GRM8: variants seen among roughly 807,000 people sequenced by gnomAD.
GRM8 encodes glutamate metabotropic receptor 8.
GRM8 carries 47 observed loss-of-function variants against 87.2 expected under a neutral mutation model. The ratio of observed to expected loss-of-function variants is 0.54; its 90% confidence interval spans 0.43 to 0.69. The LOEUF (loss-of-function observed/expected upper bound fraction) is 0.69. Among genes scored for constraint, GRM8 ranks in the 30% least tolerant of loss-of-function variants. The pLI, the probability that GRM8 is intolerant of heterozygous loss-of-function variation, is 0.00. For synonymous variants in GRM8, 396 were observed against 404.5 expected (o/e 0.98, Z 0.25); for missense variants, 1,019 against 1,139.2 (o/e 0.89, Z 1.52).
chr7:126,739,281 T>G (rs1047737098), intron 7 of GRM8, among the ~76,000 whole-genome samples: 3 of 151,978 alleles, frequency 2.0e-5, no homozygotes, highest in African/African-American at 7.2e-5. Flanking sequence ...AAAGATATAC[T>G]CCCTTTCCCC....
chr7:126,615,404 C>T, intron 7 of GRM8, among the ~76,000 whole-genome samples: 1 of 152,292 alleles, frequency 6.6e-6, no homozygotes. Context: ...CAACCAGTAC[C>T]AGCCACTGCA....
In GRM8 at chr7:127,242,782, G is replaced by T. The variant is rs1366247374; in HGVS notation, c.423C>A (p.Phe141Leu). The T allele has an allele frequency of 6.2e-7, 1 of 1,614,184 alleles. No individual in the cohort carries two copies. The highest frequency in any genetic ancestry group is 2.2e-5 in the East Asian group (1 of 44,878). The change falls in exon 2 of 11, where the codon TTC (phenylalanine) becomes TTA (leucine). Residue 141 changes from phenylalanine (F) to leucine (L), a missense_variant. By Grantham distance (22) the Phe-to-Leu change is conservative (BLOSUM62 0). Coordinates refer to ENST00000339582, the MANE Select transcript of GRM8 (RefSeq NM_000845.3). ...VKCANGDPPI[F>L]TKPDKISGVI... ...CGCCAGAAATCTTGTCGGGCTTGGTGAAAATGGGTGGATCTCCATTAGCAC... is the reference window on the plus strand; with the variant it reads ...CGCCAGAAATCTTGTCGGGCTTGGTTAAAATGGGTGGATCTCCATTAGCAC...
At chr7:127,043,778 T>C (rs1320946433) in intron 3 of GRM8, among the ~76,000 whole-genome samples, 2 of 151,764 alleles carry the variant, frequency 1.3e-5, no homozygotes, top group Admixed American at 6.6e-5. Context: ...AAAAATAAAA[T>C]AAAAAATAAA....
chr7:126,665,562 G>A (rs1355520355), intron 7 of GRM8, among the ~76,000 whole-genome samples: 1 of 151,988 alleles, frequency 6.6e-6, no homozygotes, highest in Non-Finnish European at 1.5e-5. Flanking sequence ...GGTACACATG[G>A]ACATTAAGAT....
rs183107365 is a variant in GRM8 at position 127,054,302 on chromosome 7, G to T, written c.727+52194C>A. Reference sequence around the variant, plus strand: ...GAGGGCCCAAAATGAGAATTACTTAGTGGGATCCATCCAGACCTTATTCTT... The same window carrying T: ...GAGGGCCCAAAATGAGAATTACTTATTGGGATCCATCCAGACCTTATTCTT... On this transcript the variant is annotated intron_variant, in intron 3 of 10. Coordinates refer to ENST00000339582, the MANE Select transcript of GRM8 (RefSeq NM_000845.3). 4.2e-3 allele frequency among the ~76,000 whole-genome samples: 637 copies of T among 152,006 alleles called. 5 individuals are homozygous for T. The highest frequency in any genetic ancestry group is 0.015 in the African/African-American group (611 of 41,452).
chr7:126,452,151 G>A (rs1344567212), intron 9 of GRM8, among the ~76,000 whole-genome samples: 1 of 151,510 alleles, frequency 6.6e-6, no homozygotes, highest in East Asian at 2.0e-4. Context: ...GGATGAAGCT[G>A]GAAACCATCA....
At chr7:126,726,361 G>C (rs1812974835) in intron 7 of GRM8, among the ~76,000 whole-genome samples, 1 of 151,974 alleles carries the variant, frequency 6.6e-6, no homozygotes, top group Non-Finnish European at 1.5e-5. Flanking sequence ...GGAGTCAATA[G>C]TTCTTTGATA....
intron 6 of GRM8, among the ~76,000 whole-genome samples, chr7:126,793,035 T>G (rs2151680998): frequency 6.6e-6 from 1 of 152,312 alleles, no homozygotes; most frequent in East Asian, 1.9e-4. Flanking sequence ...GCTAAGCCCC[T>G]GTACCTTCTT....
chr7:126,497,217 G>A (rs115260255), intron 9 of GRM8, among the ~76,000 whole-genome samples: 2,807 of 151,920 alleles, frequency 0.018, 106 homozygotes, highest in African/African-American at 0.064. Flanking sequence ...GCACACATGA[G>A]AAATACTACT....
intron 7 of GRM8, among the ~76,000 whole-genome samples, chr7:126,703,915 C>T (rs563819486): frequency 6.6e-6 from 1 of 152,238 alleles, no homozygotes; most frequent in Non-Finnish European, 1.5e-5. Flanking sequence ...CAGACATTCC[C>T]TCTATTAACC....
chr7:126,981,314 TTC>T (rs1183231610), intron 3 of GRM8: 1 of 152,372 alleles, frequency 6.6e-6, no homozygotes, highest in African/African-American at 2.4e-5. Flanking sequence ...TCCTATGCCA[TTC>T]TGGGGCTTTG....
intron 7 of GRM8, among the ~76,000 whole-genome samples, chr7:126,675,848 T>C (rs1806902727): frequency 6.6e-6 from 1 of 152,144 alleles, no homozygotes; most frequent in South Asian, 2.1e-4. Flanking sequence ...GGATGCCCAC[T>C]TTCACCACTT....
chr7:126,801,510 A>G (rs1339533275), intron 6 of GRM8, among the ~76,000 whole-genome samples: 1 of 151,728 alleles, frequency 6.6e-6, no homozygotes, highest in African/African-American at 2.4e-5. Flanking sequence ...GAAAATGATG[A>G]TATGCTTATG....
chr7:127,022,112 C>T (rs1052828750), intron 3 of GRM8, among the ~76,000 whole-genome samples: 1 of 151,952 alleles, frequency 6.6e-6, no homozygotes, highest in African/African-American at 2.4e-5. Context: ...GTTAAAACTG[C>T]CTTTGGATCT....
At chr7:127,097,189 C>T (rs1450876942) in intron 3 of GRM8, among the ~76,000 whole-genome samples, 6 of 152,010 alleles carry the variant, frequency 3.9e-5, no homozygotes, top group Admixed American at 3.9e-4. Flanking sequence ...GCGCAGGGAC[C>T]CTGGAAGCAC....
chr7:126,664,352 A>C (rs1192686469), intron 7 of GRM8, among the ~76,000 whole-genome samples: 1 of 152,198 alleles, frequency 6.6e-6, no homozygotes, highest in East Asian at 1.9e-4. Context: ...AAAAAGAACA[A>C]AGCCAGGGGC....
chr7:126,824,803 AT>A (rs1466061679), intron 6 of GRM8, among the ~76,000 whole-genome samples: 1 of 152,192 alleles, frequency 6.6e-6, no homozygotes, highest in Non-Finnish European at 1.5e-5. Flanking sequence ...ATTTTTTGGA[AT>A]CTTTTGGCTT....
At chr7:126,659,973 T>C (rs1804966085) in intron 7 of GRM8, among the ~76,000 whole-genome samples, 1 of 152,212 alleles carries the variant, frequency 6.6e-6, no homozygotes, top group Non-Finnish European at 1.5e-5. Flanking sequence ...CTCTGTCATA[T>C]ACATTTAAAA....
At chr7:126,459,153 T>G (rs1803593940) in intron 9 of GRM8, among the ~76,000 whole-genome samples, 1 of 151,510 alleles carries the variant, frequency 6.6e-6, no homozygotes, top group Non-Finnish European at 1.5e-5. Context: ...AAATAAGATG[T>G]AAGTACCAGT....
Sources: allele counts gnomAD v4.1 joint callset (sites outside exome capture counted in the v4.1 genomes callset), GRCh38; gene constraint gnomAD v4.1.1; transcripts MANE v1.5; gene names NCBI Gene and HGNC (gene_info 2026-07-23, HGNC 2026-07-21).